The following WNT7A variants were observed in gnomAD, a reference collection of about 807,000 sequenced individuals.
The protein encoded by WNT7A is protein Wnt-7a.
Under a neutral mutation model 28.2 loss-of-function variants are expected in WNT7A, and 16 were observed. The ratio of observed to expected loss-of-function variants is 0.57; its 90% CI spans 0.38 to 0.86. WNT7A has a LOEUF of 0.86. WNT7A is among the 40% of genes least tolerant of loss of function. The pLI, the probability that WNT7A is intolerant of heterozygous loss-of-function variation, is 0.00. For missense variants in WNT7A, 411 were observed against 489.7 expected, an observed-to-expected ratio of 0.84 and a Z score of 1.52; for synonymous variants, 190 against 195.9, an observed-to-expected ratio of 0.97 and a Z score of 0.25.
chr3:13,819,103 C>G lies in WNT7A; in HGVS notation c.891G>C (p.Thr297=), dbSNP rs748441283. 6 of 1,614,010 alleles carry G rather than the reference C, an allele frequency of 3.7e-6. No individual in the cohort carries two copies. Among genetic ancestry groups the G allele is most frequent in the South Asian group, 1.1e-5 (1 of 91,080 alleles). Residue 297 remains threonine, a synonymous_variant, in exon 4 of 4, where the codon ACG becomes ACC. Coordinates refer to ENST00000285018, the MANE Select transcript of WNT7A (RefSeq NM_004625.4). The part of the protein sequence containing the change: ...VGTQGRACNK[T]APQASGCDLM... ...GGTCACAGCCGCTGGCCTGGGGAGC[C>G]GTCTTGTTGCAGGCGCGGCCCTGGG...
intron 2 of WNT7A, among the ~76,000 whole-genome samples, chr3:13,856,923 G>A (rs370036337): frequency 4.9e-3 from 333 of 68,646 alleles, no homozygotes; most frequent in South Asian, 0.012. Context: ...AGAAGAAGAA[G>A]AAGAAGAAGA....
In WNT7A at chr3:13,874,105, G is replaced by A. The variant is rs539870405; in HGVS notation, c.298+842C>T. 7.9e-5 allele frequency among the ~76,000 whole-genome samples: 12 copies of A among 152,330 alleles called. No individual in the cohort carries two copies. In the South Asian group the frequency reaches 1.9e-3, roughly 24 times the overall value. On this transcript the variant is annotated intron_variant, in intron 2 of 3. Coordinates refer to ENST00000285018, the MANE Select transcript of WNT7A (RefSeq NM_004625.4). Reference sequence around the variant, plus strand: ...GCCTGGGAGCCCAGATGTGACAGCAGTGTGACCTGAGGAGGAGGCGGCAGG... The same window carrying A: ...GCCTGGGAGCCCAGATGTGACAGCAATGTGACCTGAGGAGGAGGCGGCAGG...
rs770068682 is a variant in WNT7A at position 13,819,031 on chromosome 3, C to G, written c.963G>C (p.Val321=). The G allele has an allele frequency of 5.6e-6, 9 of 1,612,822 alleles. No individual in the cohort carries two copies. Among genetic ancestry groups the G allele is most frequent in the Non-Finnish European group, 7.6e-6 (9 of 1,179,088 alleles). ...RGYNTHQYAR[V]WQCNCKFHWC... The stretch of plus-strand genomic sequence containing the variant: ...AGTGGAACTTACAGTTGCACTGCCA[C>G]ACGCGGGCGTACTGGTGGGTGTTGT... Residue 321 remains valine, a synonymous_variant, in exon 4 of 4, where the codon GTG becomes GTC. Transcript: ENST00000285018.
chr3:13,821,218 G>A (rs1295296174), intron 3 of WNT7A, among the ~76,000 whole-genome samples: 1 of 152,218 alleles, frequency 6.6e-6, no homozygotes, highest in Non-Finnish European at 1.5e-5. Context: ...GCCCAGTTGA[G>A]CTGGAGGCTT....
chr3:13,822,562 G>A (rs1453512201), intron 3 of WNT7A, among the ~76,000 whole-genome samples: 1 of 152,200 alleles, frequency 6.6e-6, no homozygotes, highest in African/African-American at 2.4e-5. Flanking sequence ...CAGAGAAGAA[G>A]GGAAATGGGG....
chr3:13,850,654 C>T (rs1266004539), intron 3 of WNT7A, among the ~76,000 whole-genome samples: 1 of 152,132 alleles, frequency 6.6e-6, no homozygotes, highest in African/African-American at 2.4e-5. Context: ...TCACCACACT[C>T]TCATGAAGGG....
chr3:13,848,878 T>A (rs1335962869), intron 3 of WNT7A, among the ~76,000 whole-genome samples: 1 of 152,018 alleles, frequency 6.6e-6, no homozygotes, highest in Non-Finnish European at 1.5e-5. Flanking sequence ...CAAAACAAAC[T>A]GTGGAGACTC....
At chr3:13,841,409 C>T (rs1475931581) in intron 3 of WNT7A, among the ~76,000 whole-genome samples, 1 of 152,220 alleles carries the variant, frequency 6.6e-6, no homozygotes, top group African/African-American at 2.4e-5. Context: ...TGGAGCTGGA[C>T]TGCCTGAGTT....
chr3:13,879,364 T>C (rs986443071), intron 1 of WNT7A, among the ~76,000 whole-genome samples: 2 of 152,124 alleles, frequency 1.3e-5, no homozygotes, highest in East Asian at 3.9e-4. Flanking sequence ...CTCCCCGAGA[T>C]TGGCTGTGGT....
chr3:13,879,368 C>T (rs1169951274), intron 1 of WNT7A, among the ~76,000 whole-genome samples: 1 of 152,184 alleles, frequency 6.6e-6, no homozygotes, highest in African/African-American at 2.4e-5. Context: ...CCGAGATTGG[C>T]TGTGGTCCTG....
chr3:13,845,269 A>G (rs1037134750), intron 3 of WNT7A, among the ~76,000 whole-genome samples: 1 of 152,070 alleles, frequency 6.6e-6, no homozygotes, highest in Non-Finnish European at 1.5e-5. Flanking sequence ...TTAGTAGTCA[A>G]CGTCTCAGCC....
chr3:13,832,019 C>A (rs1056744045), intron 3 of WNT7A, among the ~76,000 whole-genome samples: 4 of 152,090 alleles, frequency 2.6e-5, no homozygotes, highest in Non-Finnish European at 4.4e-5. Context: ...TGGATACCCA[C>A]ACCAGGATAG....
At chr3:13,856,708 C>T (rs1694735133) in intron 2 of WNT7A, among the ~76,000 whole-genome samples, 1 of 151,980 alleles carries the variant, frequency 6.6e-6, no homozygotes, top group Non-Finnish European at 1.5e-5. Flanking sequence ...ATCCCAGCTA[C>T]TTGGGAAACT....
intron 3 of WNT7A, among the ~76,000 whole-genome samples, chr3:13,829,553 C>T (rs1694245253): frequency 6.6e-6 from 1 of 152,194 alleles, no homozygotes; most frequent in Non-Finnish European, 1.5e-5. Flanking sequence ...GAGAGCGGCG[C>T]TGTGGGGCGG....
At chr3:13,841,000 G>T (rs528748397) in intron 3 of WNT7A, among the ~76,000 whole-genome samples, 2 of 152,276 alleles carry the variant, frequency 1.3e-5, no homozygotes, top group East Asian at 3.9e-4. Flanking sequence ...TCTGTCATTA[G>T]AATGTAATCC....
At chr3:13,825,042 C>G (rs1694172424) in intron 3 of WNT7A, among the ~76,000 whole-genome samples, 1 of 152,168 alleles carries the variant, frequency 6.6e-6, no homozygotes, top group Non-Finnish European at 1.5e-5. Flanking sequence ...AGGCTTGCAG[C>G]TTGGGAGCTT....
chr3:13,866,609 G>A (rs1201527671), intron 2 of WNT7A, among the ~76,000 whole-genome samples: 1 of 152,208 alleles, frequency 6.6e-6, no homozygotes, highest in African/African-American at 2.4e-5. Context: ...GGTGAGTAGA[G>A]GATAGAAAGA....
chr3:13,826,829 T>C (rs531560895), intron 3 of WNT7A, among the ~76,000 whole-genome samples: 1 of 152,318 alleles, frequency 6.6e-6, no homozygotes, highest in African/African-American at 2.4e-5. Flanking sequence ...AAGTTCAATA[T>C]GAGCTAGGAG....
chr3:13,834,877 C>G (rs1694341217), intron 3 of WNT7A, among the ~76,000 whole-genome samples: 1 of 152,202 alleles, frequency 6.6e-6, no homozygotes, highest in Non-Finnish European at 1.5e-5. Context: ...TGCCCAGGGG[C>G]AAGGACCCGG....
Sources: gnomAD v4.1 joint callset for allele counts (sites outside exome capture counted in the v4.1 genomes callset) on GRCh38, gnomAD v4.1.1 for gene constraint, MANE v1.5 for transcripts, NCBI Gene and HGNC (gene_info 2026-07-23, HGNC 2026-07-21) for gene names.